Variants in GALNT17 observed in about 807,000 individuals in gnomAD.
The protein encoded by GALNT17 is polypeptide N-acetylgalactosaminyltransferase 17.
GALNT17 carries 29 observed loss-of-function variants against 63.7 expected under a neutral mutation model. The ratio of observed to expected loss-of-function variants is 0.46; its 90% confidence interval spans 0.34 to 0.62. GALNT17 has a LOEUF of 0.62. Ranked by LOEUF, GALNT17 falls within the 20% of genes least tolerant of loss-of-function variation. The pLI is 0.01. For synonymous variants in GALNT17, 305 were observed against 318.3 expected, an observed-to-expected ratio of 0.96 and a Z score of 0.45; for missense variants, 603 against 799.6, an observed-to-expected ratio of 0.75 and a Z score of 2.97.
intron 1 of GALNT17, among the ~76,000 whole-genome samples, chr7:71,139,900 A>G (rs1416050820): frequency 6.6e-6 from 1 of 152,182 alleles, no homozygotes; most frequent in African/African-American, 2.4e-5. Flanking sequence ...GGTTGAGGCA[A>G]GATAATTTGC....
chr7:71,691,120 TG>T (rs1249870678), intron 9 of GALNT17, among the ~76,000 whole-genome samples: 1 of 152,192 alleles, frequency 6.6e-6, no homozygotes, highest in East Asian at 1.9e-4. Context: ...AGTCAATTAA[TG>T]CAGCAAACTT....
At chr7:71,587,302 A>G (rs1789733869) in intron 6 of GALNT17, among the ~76,000 whole-genome samples, 1 of 152,138 alleles carries the variant, frequency 6.6e-6, no homozygotes, top group South Asian at 2.1e-4. Context: ...TGCTGAAATA[A>G]CAGGTGTGAG....
chr7:71,667,644 A>G (rs1391392359), intron 7 of GALNT17, among the ~76,000 whole-genome samples: 2 of 152,214 alleles, frequency 1.3e-5, no homozygotes, highest in African/African-American at 2.4e-5. Context: ...CATTTTACAG[A>G]TGAAGAAATT....
At chr7:71,501,113 G>A (rs993798885) in intron 5 of GALNT17, among the ~76,000 whole-genome samples, 3 of 152,148 alleles carry the variant, frequency 2.0e-5, no homozygotes, top group South Asian at 2.1e-4. Context: ...GGGATTACAC[G>A]CGCTACCACC....
At chr7:71,564,996 G>T (rs1393701921) in intron 5 of GALNT17, among the ~76,000 whole-genome samples, 1 of 152,184 alleles carries the variant, frequency 6.6e-6, no homozygotes, top group African/African-American at 2.4e-5. Flanking sequence ...GCCGGGCACG[G>T]TGGCTCATGC....
rs748031685 is a variant in GALNT17, at chr7:71,712,081, G to A, written c.1732G>A (p.Gly578Ser). The A allele has an allele frequency of 6.2e-7, 1 of 1,614,102 alleles. No individual in the cohort carries two copies. The highest frequency in any genetic ancestry group is 1.7e-5 in the Admixed American group (1 of 60,004). The change falls in exon 11 of 11, where the codon GGC (glycine) becomes AGC (serine). Residue 578 changes from glycine (G) to serine (S), a missense_variant. Around this residue, in one of 3 missense-constraint regions of GALNT17, gnomAD observed 72 missense variants for 76.9 expected, o/e 0.94. Coordinates refer to ENST00000333538, the MANE Select transcript of GALNT17 (RefSeq NM_022479.3). Reference protein sequence around the residue: ...CLEVENRGLAGIDLILRSCTG... With the variant: ...CLEVENRGLASIDLILRSCTG... ...GGAGGTGGAGAACCGGGGCCTGGCT[G>A]GCATCGACCTCATCCTCCGCAGCTG...
chr7:71,302,384 G>A (rs564943701), intron 1 of GALNT17, among the ~76,000 whole-genome samples: 3 of 152,190 alleles, frequency 2.0e-5, no homozygotes, highest in Non-Finnish European at 4.4e-5. Flanking sequence ...AGGTAACAGA[G>A]TCTCAGTATG....
chr7:71,412,943 T>C (rs1793456552), intron 3 of GALNT17, among the ~76,000 whole-genome samples: 1 of 152,136 alleles, frequency 6.6e-6, no homozygotes, highest in Non-Finnish European at 1.5e-5. Flanking sequence ...CTTGGGAGGC[T>C]GAGGCAGGAG....
intron 1 of GALNT17, among the ~76,000 whole-genome samples, chr7:71,154,051 G>A (rs1182787305): frequency 6.6e-6 from 1 of 152,202 alleles, no homozygotes; most frequent in Non-Finnish European, 1.5e-5. Flanking sequence ...CTTGCTTCTA[G>A]TGATCGAATT....
intron 3 of GALNT17, among the ~76,000 whole-genome samples, chr7:71,397,611 A>G (rs921204719): frequency 2.0e-5 from 3 of 152,338 alleles, no homozygotes; most frequent in African/African-American, 7.2e-5. Flanking sequence ...CTCTCGCTGC[A>G]TCTATCTGAA....
At chr7:71,383,905 T>C (rs1299839367) in intron 2 of GALNT17, among the ~76,000 whole-genome samples, 1 of 152,166 alleles carries the variant, frequency 6.6e-6, no homozygotes, top group African/African-American at 2.4e-5. Context: ...CGAATAATGC[T>C]CTATGAACAT....
In GALNT17 at chr7:71,593,572, A is replaced by G. The variant is rs1404954; in HGVS notation, c.1080+22170A>G. ...AGCCACCACGCCTGGCCCCTTGACAATTTTGACTCTCACCCTTGAAGCTAC... is the reference window on the plus strand; with the variant it reads ...AGCCACCACGCCTGGCCCCTTGACAGTTTTGACTCTCACCCTTGAAGCTAC... On this transcript the variant is annotated intron_variant, in intron 6 of 10. Coordinates refer to ENST00000333538, the MANE Select transcript of GALNT17 (RefSeq NM_022479.3). 9.6e-4 allele frequency among the ~76,000 whole-genome samples: 146 copies of G among 152,174 alleles called. 4 individuals carry two copies. The East Asian group carries it at 0.021, about 22-fold the overall frequency.
chr7:71,625,844 G>T (rs896725002), intron 6 of GALNT17, among the ~76,000 whole-genome samples: 2 of 152,066 alleles, frequency 1.3e-5, no homozygotes, highest in East Asian at 3.9e-4. Flanking sequence ...CTTAATCCCC[G>T]GTACCTCCAC....
At chr7:71,540,719 A>G (rs1788875537) in intron 5 of GALNT17, among the ~76,000 whole-genome samples, 2 of 152,114 alleles carry the variant, frequency 1.3e-5, no homozygotes, top group African/African-American at 2.4e-5. Flanking sequence ...GAAGTGTTCT[A>G]TTTAATCCTA....
chr7:71,486,334 A>AAATAAT (rs68046826), intron 5 of GALNT17, among the ~76,000 whole-genome samples: 39 of 133,344 alleles, frequency 2.9e-4, no homozygotes, highest in South Asian at 5.1e-4. Flanking sequence ...GCCTGTCTGA[A>AAATAAT]AATAATAATA....
At chr7:71,155,017 A>G (rs12665914) in intron 1 of GALNT17, among the ~76,000 whole-genome samples, 11 of 151,592 alleles carry the variant, frequency 7.3e-5, no homozygotes, top group Non-Finnish European at 1.3e-4. Context: ...CAGCCTGACT[A>G]TTGCAGTGGG....
chr7:71,564,390 G>A (rs1488473593), intron 5 of GALNT17, among the ~76,000 whole-genome samples: 1 of 144,368 alleles, frequency 6.9e-6, no homozygotes, highest in Non-Finnish European at 1.5e-5. Context: ...AGGTTCAAGT[G>A]ATTTTCCTGC....
chr7:71,190,386 C>G (rs2116336557), intron 1 of GALNT17, among the ~76,000 whole-genome samples: 1 of 152,142 alleles, frequency 6.6e-6, no homozygotes, highest in Middle Eastern at 3.4e-3. Context: ...TATATGGCAC[C>G]TCCCCCACTG....
chr7:71,391,243 G>T (rs115209477), intron 3 of GALNT17, among the ~76,000 whole-genome samples: 1 of 152,156 alleles, frequency 6.6e-6, no homozygotes, highest in Non-Finnish European at 1.5e-5. Context: ...ACTGCAGATC[G>T]GGCTGGATTG....
Sources: allele counts gnomAD v4.1 joint callset (sites outside exome capture counted in the v4.1 genomes callset), GRCh38; gene constraint gnomAD v4.1.1; regional missense constraint gnomAD v4.1.1; transcripts MANE v1.5; gene names NCBI Gene and HGNC (gene_info 2026-07-23, HGNC 2026-07-21).